Variants in NTF3 observed in about 807,000 individuals in gnomAD.
NTF3 encodes neurotrophin 3, also known as neurotrophin-3.
NTF3 carries 8 observed loss-of-function variants against 26.3 expected under a neutral mutation model. That is an observed-to-expected ratio of 0.30 (90% CI 0.18 to 0.55). The LOEUF (loss-of-function observed/expected upper bound fraction) is 0.55. Ranked by LOEUF, NTF3 falls within the 20% of genes least tolerant of loss-of-function variation. The pLI, the probability that NTF3 is intolerant of heterozygous loss-of-function variation, is 0.93. For synonymous variants in NTF3, 154 were observed against 145.5 expected, an observed-to-expected ratio of 1.06 and a Z score of -0.42; for missense variants, 276 against 352.9, an observed-to-expected ratio of 0.78 and a Z score of 1.75.
intron 1 of NTF3, among the ~76,000 whole-genome samples, chr12:5,488,999 T>A (rs1459250127): frequency 6.6e-6 from 1 of 152,202 alleles, no homozygotes; most frequent in Non-Finnish European, 1.5e-5. Context: ...AACAGAGCCT[T>A]TCTGCTTTCT....
At chr12:5,440,448 T>G (rs1940222829) in intron 1 of NTF3, among the ~76,000 whole-genome samples, 1 of 152,202 alleles carries the variant, frequency 6.6e-6, no homozygotes, top group Admixed American at 6.5e-5. Flanking sequence ...AAGTGATCCC[T>G]CAGGGAGTTT....
intron 1 of NTF3, among the ~76,000 whole-genome samples, chr12:5,453,734 G>A (rs748008748): frequency 2.6e-5 from 4 of 152,212 alleles, no homozygotes; most frequent in Non-Finnish European, 5.9e-5. Flanking sequence ...ACAGACAGGG[G>A]CCATCTGTCG....
At chr12:5,491,677 C>T (rs1199147090) in intron 1 of NTF3, among the ~76,000 whole-genome samples, 2 of 149,780 alleles carry the variant, frequency 1.3e-5, no homozygotes, top group African/African-American at 4.9e-5. Flanking sequence ...GGCCAGAGTG[C>T]AGAGAACCCC....
intron 1 of NTF3, among the ~76,000 whole-genome samples, chr12:5,459,472 A>T (rs1429615024): frequency 6.6e-6 from 1 of 151,836 alleles, no homozygotes; most frequent in Non-Finnish European, 1.5e-5. Context: ...TTCCCTTCAC[A>T]CCCCAGCAAG....
At chr12:5,430,589 C>A (rs999366296), upstream of NTF3, among the ~76,000 whole-genome samples, 1 of 151,578 alleles carries the variant, frequency 6.6e-6, no homozygotes, top group South Asian at 2.1e-4. Context: ...CAGACTCCCC[C>A]CTCCCTTCCC....
chr12:5,469,495 C>T (rs1591600920), intron 1 of NTF3, among the ~76,000 whole-genome samples: 1 of 152,266 alleles, frequency 6.6e-6, no homozygotes, highest in East Asian at 1.9e-4. Flanking sequence ...GGCCGGTGGA[C>T]AGTCTCCAGG....
At chr12:5,483,371 G>A (rs910786198) in intron 1 of NTF3, among the ~76,000 whole-genome samples, 5 of 152,148 alleles carry the variant, frequency 3.3e-5, no homozygotes, top group Non-Finnish European at 5.9e-5. Context: ...GGGCACTCCC[G>A]TGTTCTTCAG....
chr12:5,455,137 T>G (rs1345052619), intron 1 of NTF3, among the ~76,000 whole-genome samples: 5 of 152,052 alleles, frequency 3.3e-5, no homozygotes, highest in Non-Finnish European at 7.4e-5. Flanking sequence ...GGAAACATCT[T>G]CCAATAGGGC....
At chr12:5,484,117 C>T (rs1359910105) in intron 1 of NTF3, among the ~76,000 whole-genome samples, 2 of 152,194 alleles carry the variant, frequency 1.3e-5, no homozygotes, top group Non-Finnish European at 2.9e-5. Context: ...AATACACTGA[C>T]TGCTCTGTGT....
rs117434147 is a variant in NTF3 at position 5,475,214 on chromosome 12, G to A, written c.19-18980G>A. On this transcript the variant is annotated intron_variant, in intron 1 of 1. Transcript: ENST00000423158. ...GAAAGAATGCAAGGGAAGTGCTGGT[G>A]GTGGTAGGAGGAAGACCAAGAGAGG... Among the ~76,000 whole-genome samples, 17 of 152,304 alleles carry A rather than the reference G, an allele frequency of 1.1e-4. No homozygotes were observed. In the East Asian group the frequency reaches 2.3e-3, roughly 21 times the overall value.
chr12:5,430,772 G>A (rs565644962), upstream of NTF3, among the ~76,000 whole-genome samples: 82 of 152,216 alleles, frequency 5.4e-4, no homozygotes, highest in Non-Finnish European at 1.1e-3. Context: ...TCGAACGACA[G>A]GGCAGGGAGG....
At chr12:5,444,834 G>A (rs533542097) in intron 1 of NTF3, among the ~76,000 whole-genome samples, 93 of 152,312 alleles carry the variant, frequency 6.1e-4, no homozygotes, top group Middle Eastern at 6.8e-3. Flanking sequence ...TAATGAATGA[G>A]CAAACGAATG....
intron 1 of NTF3, among the ~76,000 whole-genome samples, chr12:5,454,502 G>A (rs188664088): frequency 6.6e-6 from 1 of 152,318 alleles, no homozygotes; most frequent in African/African-American, 2.4e-5. Flanking sequence ...GGGAAGGAAA[G>A]ATGTTGGGCA....
upstream of NTF3, among the ~76,000 whole-genome samples, chr12:5,431,633 C>T (rs1940088020): frequency 6.6e-6 from 1 of 151,810 alleles, no homozygotes; most frequent in Non-Finnish European, 1.5e-5. Context: ...GAGGAGTTTA[C>T]GCCTCAGACC....
intron 1 of NTF3, among the ~76,000 whole-genome samples, chr12:5,459,971 C>T (rs1362454088): frequency 6.6e-6 from 1 of 152,192 alleles, no homozygotes; most frequent in Non-Finnish European, 1.5e-5. Flanking sequence ...CCTCACCACC[C>T]TCCCACTGGG....
chr12:5,486,300 G>A (rs1940865274), intron 1 of NTF3, among the ~76,000 whole-genome samples: 2 of 152,208 alleles, frequency 1.3e-5, no homozygotes, highest in Admixed American at 6.5e-5. Context: ...GCCAGCTGTG[G>A]TCTTGGTTTG....
chr12:5,431,955 T>A (rs996341021), upstream of NTF3, among the ~76,000 whole-genome samples: 59 of 133,614 alleles, frequency 4.4e-4, no homozygotes, highest in Admixed American at 7.4e-4. Flanking sequence ...GGTCCCGAAG[T>A]GAGGGCGGGG....
chr12:5,475,962 CAAGAA>C (rs1940719229), intron 1 of NTF3, among the ~76,000 whole-genome samples: 2 of 151,588 alleles, frequency 1.3e-5, no homozygotes, highest in South Asian at 2.1e-4. Flanking sequence ...AAAGACAAGA[CAAGAA>C]AAGAAAAGAG....
intron 1 of NTF3, among the ~76,000 whole-genome samples, chr12:5,458,399 A>G (rs1173974046): frequency 6.6e-6 from 1 of 152,104 alleles, no homozygotes; most frequent in Non-Finnish European, 1.5e-5. Flanking sequence ...AGCATTCCTT[A>G]TTGTAGTTCC....
Sources: gnomAD v4.1 joint callset for allele counts (sites outside exome capture counted in the v4.1 genomes callset) on GRCh38, gnomAD v4.1.1 for gene constraint, MANE v1.5 for transcripts, NCBI Gene and HGNC (gene_info 2026-07-23, HGNC 2026-07-21) for gene names.